SLIT2: variants seen among roughly 807,000 people sequenced by gnomAD.
The protein encoded by SLIT2 is slit homolog 2 protein.
SLIT2 carries 41 observed loss-of-function variants against 185.7 expected under a neutral mutation model. That is an observed-to-expected ratio of 0.22 (90% CI 0.17 to 0.29). The LOEUF is 0.29. SLIT2 is among the 10% of genes least tolerant of loss of function. SLIT2 has a pLI of 1.00. For synonymous variants in SLIT2, 693 were observed against 680.2 expected (o/e 1.02, Z -0.29); for missense variants, 1,571 against 1,909.0 (o/e 0.82, Z 3.30).
intron 4 of SLIT2, among the ~76,000 whole-genome samples, chr4:20,305,956 C>T (rs1021968511): frequency 2.0e-5 from 3 of 150,392 alleles, no homozygotes; most frequent in Non-Finnish European, 3.0e-5. Context: ...CATAGGTTAG[C>T]GTTAAGTGTA....
At position 20,568,628 on chromosome 4, in the gene SLIT2, C is replaced by A. The variant is rs942286103; in HGVS notation, c.2949-237C>A. ...TTGTTGACTTTTAAGACCATGGAACCATTTGCCTTCTTGCAACCGGCATAA... is the reference window on the plus strand; with the variant it reads ...TTGTTGACTTTTAAGACCATGGAACAATTTGCCTTCTTGCAACCGGCATAA... On this transcript the variant is annotated intron_variant, in intron 28 of 36. Transcript: ENST00000504154. Among the ~76,000 whole-genome samples the A allele has an allele frequency of 2.0e-5, 3 of 152,078 alleles. No homozygotes were observed. The East Asian group carries it at 5.8e-4, about 29-fold the overall frequency.
At chr4:20,463,189 C>T (rs1380148969) in intron 4 of SLIT2, among the ~76,000 whole-genome samples, 1 of 152,022 alleles carries the variant, frequency 6.6e-6, no homozygotes, top group East Asian at 1.9e-4. Flanking sequence ...TTCTCAATTG[C>T]TCTGACAAGC....
intron 4 of SLIT2, among the ~76,000 whole-genome samples, chr4:20,354,986 C>T (rs1169465504): frequency 6.6e-6 from 1 of 151,036 alleles, no homozygotes; most frequent in African/African-American, 2.4e-5. Context: ...GCTGTTCTTT[C>T]TTTTTCTGTT....
At chr4:20,450,406 T>A (rs1560433330) in intron 4 of SLIT2, among the ~76,000 whole-genome samples, 1 of 152,212 alleles carries the variant, frequency 6.6e-6, no homozygotes, top group Non-Finnish European at 1.5e-5. Flanking sequence ...ATATTTGCAG[T>A]TCCATTCCAT....
chr4:20,302,408 A>G (rs1717139481), intron 4 of SLIT2, among the ~76,000 whole-genome samples: 5 of 152,162 alleles, frequency 3.3e-5, no homozygotes, highest in Non-Finnish European at 1.5e-5. Context: ...TCAGTTATCC[A>G]GTGTCTGCTA....
At chr4:20,459,407 G>A (rs888433690) in intron 4 of SLIT2, among the ~76,000 whole-genome samples, 7 of 152,138 alleles carry the variant, frequency 4.6e-5, no homozygotes, top group African/African-American at 1.7e-4. Context: ...ATACATGAAT[G>A]AGAAAATAGG....
In SLIT2 at chr4:20,472,540, CTATATCTATATATAGATA is replaced by C. The variant is rs1328131710; in HGVS notation, c.467+4739_467+4756del. ...GATATATATCTATATATAGATATATCTATATCTATATATAGATATATATCTATATATAGATATATCTAT... is the reference window on the plus strand; with the variant it reads ...GATATATATCTATATATAGATATATCTATATCTATATATAGATATATCTAT... On this transcript the variant is annotated intron_variant, in intron 5 of 36. Transcript: ENST00000504154. Among the ~76,000 whole-genome samples the C allele has an allele frequency of 6.3e-4, 6 of 9,494 alleles. 3 individuals carry two copies. The highest frequency in any genetic ancestry group is 9.4e-4 in the Non-Finnish European group (6 of 6,382). The allele number at this position is 9,494 out of a possible 152,430, so 6.2% of individuals were successfully genotyped here.
At chr4:20,578,151 C>G (rs1560210069) in intron 29 of SLIT2, among the ~76,000 whole-genome samples, 1 of 152,164 alleles carries the variant, frequency 6.6e-6, no homozygotes, top group Admixed American at 6.5e-5. Context: ...AAGCATTTGC[C>G]TGCAAGAAGC....
chr4:20,559,043 A>G lies in SLIT2; in HGVS notation c.2725+5075A>G, dbSNP rs1724485624. 2.0e-5 allele frequency among the ~76,000 whole-genome samples: 3 copies of G among 152,050 alleles called. No homozygotes were observed. In the South Asian group the frequency reaches 6.2e-4, roughly 31 times the overall value. ...GGGCTGTGAAAGATGTAATGACATA[A>G]GTGGACAAGCAGACAAGTGTGAGGA... On this transcript the variant is annotated intron_variant, in intron 26 of 36. Transcript: ENST00000504154.
At chr4:20,373,708 A>G (rs1723779190) in intron 4 of SLIT2, among the ~76,000 whole-genome samples, 2 of 152,120 alleles carry the variant, frequency 1.3e-5, no homozygotes, top group Non-Finnish European at 1.5e-5. Context: ...CCACAAATAT[A>G]TAAATGACTA....
At chr4:20,282,875 T>C (rs1378396735) in intron 4 of SLIT2, among the ~76,000 whole-genome samples, 3 of 152,216 alleles carry the variant, frequency 2.0e-5, no homozygotes, top group African/African-American at 2.4e-5. Flanking sequence ...ATTTAGGACA[T>C]ATAGGGTTGA....
intron 4 of SLIT2, among the ~76,000 whole-genome samples, chr4:20,417,120 C>T (rs1727746769): frequency 6.6e-6 from 1 of 151,974 alleles, no homozygotes; most frequent in Non-Finnish European, 1.5e-5. Flanking sequence ...ATTACCTTGT[C>T]TCTAGAATTA....
intron 4 of SLIT2, among the ~76,000 whole-genome samples, chr4:20,427,881 C>T (rs961316511): frequency 1.3e-5 from 2 of 152,090 alleles, no homozygotes; most frequent in African/African-American, 4.8e-5. Context: ...TGCCTCTCTT[C>T]ATTTCTAAGT....
At chr4:20,414,172 G>T (rs1727478085) in intron 4 of SLIT2, among the ~76,000 whole-genome samples, 1 of 152,046 alleles carries the variant, frequency 6.6e-6, no homozygotes, top group African/African-American at 2.4e-5. Flanking sequence ...CTGCTCTGCA[G>T]ATTACAATTA....
rs567634474 is a variant in SLIT2 at position 20,414,826 on chromosome 4, T to C, written c.396-52926T>C. Among the ~76,000 whole-genome samples the C allele has an allele frequency of 3.3e-5, 5 of 152,338 alleles. No homozygotes were observed. The East Asian group carries it at 9.7e-4, about 29-fold the overall frequency. ...CTCCTTGCCTTTGTCTTTCAGCAGA[T>C]TGTCTATGATGGGTCTGTGTGTGGA... On this transcript the variant is annotated intron_variant, in intron 4 of 36. Coordinates refer to ENST00000504154, the MANE Select transcript of SLIT2 (RefSeq NM_004787.4).
chr4:20,354,864 A>G (rs975312657), intron 4 of SLIT2, among the ~76,000 whole-genome samples: 1 of 150,284 alleles, frequency 6.7e-6, no homozygotes, highest in African/African-American at 2.4e-5. Context: ...TTTGAAAAAA[A>G]TGGACACGTG....
Position 20,568,983 on chromosome 4 carries a change from C to T in SLIT2, c.3067C>T (p.Leu1023Phe), listed in dbSNP as rs1725330823. The T allele has an allele frequency of 1.9e-6, 3 of 1,612,226 alleles. No homozygotes were observed. Among genetic ancestry groups the T allele is most frequent in the African/African-American group, 1.3e-5 (1 of 74,852 alleles). Residue 1023 changes from leucine (L) to phenylalanine (F), a missense_variant, in exon 29 of 37, where the codon CTT becomes TTT. By Grantham distance (22) the Leu-to-Phe change is conservative. Coordinates refer to ENST00000504154, the MANE Select transcript of SLIT2 (RefSeq NM_004787.4). ...CGATGGCATTAATAACTACACATGC[C>T]TTTGCCCACCTGAGTATACAGGTAC... ...CVDGINNYTC[L>F]CPPEYTGELC...
chr4:20,443,431 A>G (rs1044390196), intron 4 of SLIT2, among the ~76,000 whole-genome samples: 2 of 152,072 alleles, frequency 1.3e-5, no homozygotes, highest in African/African-American at 2.4e-5. Flanking sequence ...GAAATGATAC[A>G]TTTTCTCATA....
chr4:20,353,792 C>T (rs1437196777), intron 4 of SLIT2, among the ~76,000 whole-genome samples: 5 of 152,140 alleles, frequency 3.3e-5, no homozygotes, highest in African/African-American at 1.2e-4. Context: ...TTATAATAGT[C>T]ATATCCTTAA....
Sources: gnomAD v4.1 joint callset for allele counts (sites outside exome capture counted in the v4.1 genomes callset) on GRCh38, gnomAD v4.1.1 for gene constraint, MANE v1.5 for transcripts, NCBI Gene and HGNC (gene_info 2026-07-23, HGNC 2026-07-21) for gene names.